The following GADL1 variants were observed in gnomAD, a reference collection of about 807,000 sequenced individuals.
The protein encoded by GADL1 is GAD like acidic amino acid decarboxylase 1, also known as acidic amino acid decarboxylase GADL1.
In GADL1, 71 loss-of-function variants were observed where a neutral mutation model predicts 69.5. The observed-to-expected ratio is 1.02, with a 90% confidence interval of 0.84 to 1.25. The LOEUF (loss-of-function observed/expected upper bound fraction) is 1.25, where lower values mean the gene tolerates loss of function less well. GADL1 is among the 50% of genes most tolerant of loss of function. The pLI is 0.00. For missense variants in GADL1, 737 were observed against 631.8 expected, an observed-to-expected ratio of 1.17 and a Z score of -1.79; for synonymous variants, 254 against 214.4, an observed-to-expected ratio of 1.18 and a Z score of -1.62.
At chr3:30,767,336 C>T (rs1300998174) in intron 14 of GADL1, among the ~76,000 whole-genome samples, 2 of 151,920 alleles carry the variant, frequency 1.3e-5, no homozygotes, top group African/African-American at 2.4e-5. Flanking sequence ...ACAAAAGATC[C>T]AGGAGGATAG....
chr3:30,858,456 A>G (rs1342524096), intron 2 of GADL1, among the ~76,000 whole-genome samples: 2 of 152,026 alleles, frequency 1.3e-5, no homozygotes, highest in Non-Finnish European at 2.9e-5. Context: ...GATGATCTGG[A>G]TGACAGTCAA....
chr3:30,816,957 A>G (rs1338506646), intron 11 of GADL1, among the ~76,000 whole-genome samples: 1 of 152,120 alleles, frequency 6.6e-6, no homozygotes, highest in African/African-American at 2.4e-5. Flanking sequence ...AATCACTTAT[A>G]TAGTCCCCAA....
intron 12 of GADL1, among the ~76,000 whole-genome samples, chr3:30,795,813 A>AC (rs1270254741): frequency 1.3e-5 from 2 of 152,120 alleles, no homozygotes; most frequent in African/African-American, 4.8e-5. Flanking sequence ...ACTTTTGCCC[A>AC]CCCCAGGAAT....
At chr3:30,769,266 C>T (rs763658657) in intron 14 of GADL1, among the ~76,000 whole-genome samples, 1 of 152,114 alleles carries the variant, frequency 6.6e-6, no homozygotes, top group Non-Finnish European at 1.5e-5. Flanking sequence ...GTCCATCCAG[C>T]GACTAGTGAA....
At chr3:30,752,947 G>A (rs6550019) in intron 14 of GADL1, among the ~76,000 whole-genome samples, 79,414 of 151,968 alleles carry the variant, frequency 0.52, 23,828 homozygotes, top group African/African-American at 0.83. Context: ...CACAATCCTC[G>A]TTTTTTAACT....
intron 1 of GADL1, among the ~76,000 whole-genome samples, chr3:30,885,897 G>A (rs192715069): frequency 1.1e-4 from 17 of 151,980 alleles, no homozygotes; most frequent in African/African-American, 3.4e-4. Flanking sequence ...ATGAGCCACC[G>A]TGCCCAGCCT....
At chr3:30,804,482 T>C (rs1188582030) in intron 11 of GADL1, among the ~76,000 whole-genome samples, 2 of 152,204 alleles carry the variant, frequency 1.3e-5, no homozygotes, top group African/African-American at 2.4e-5. Flanking sequence ...CATCACCCTA[T>C]TGTAGCAAGA....
In GADL1 at chr3:30,789,853, G is replaced by A. The variant is rs144324999; in HGVS notation, c.1251-3447C>T. ...TAGAACTGGAGAAAGTTAGGGTCTT[G>A]CTCTGAATTGGGCTTTGGCTTAAGG... On this transcript the variant is annotated intron_variant, in intron 12 of 14. Coordinates refer to ENST00000282538, the MANE Select transcript of GADL1 (RefSeq NM_207359.3). Among the ~76,000 whole-genome samples, 21 of 152,280 alleles carry A rather than the reference G, an allele frequency of 1.4e-4. No individual in the cohort carries two copies. In the East Asian group the frequency reaches 3.7e-3, roughly 27 times the overall value.
intron 14 of GADL1, among the ~76,000 whole-genome samples, chr3:30,744,067 A>G (rs1473455497): frequency 1.3e-5 from 2 of 152,136 alleles, no homozygotes; most frequent in African/African-American, 4.8e-5. Context: ...TTTGGCTGGG[A>G]AAGGTGGGTG....
rs1696583843 is a variant in GADL1, at chr3:30,778,239, G to A, written c.1332C>T (p.Tyr444=). The change falls in exon 14 of 15, where the codon TAC becomes TAT. Residue 444 remains tyrosine (Y), a synonymous_variant. Coordinates refer to ENST00000282538, the MANE Select transcript of GADL1 (RefSeq NM_207359.3). ...EPEYANICFW[Y]IPPSLREMEE... ...CCATCTCTCTGAGGCTCGGTGGAAT[G>A]TACCAAAAGCAAATATTGGCATATT... The A allele has an allele frequency of 6.2e-7, 1 of 1,611,616 alleles. No individual in the cohort carries two copies. The highest frequency in any genetic ancestry group is 1.3e-5 in the African/African-American group (1 of 74,816).
chr3:30,846,062 A>C (rs561563400), intron 6 of GADL1, among the ~76,000 whole-genome samples: 118 of 152,156 alleles, frequency 7.8e-4, no homozygotes, highest in East Asian at 7.7e-4. Context: ...ATCAAAAAAA[A>C]AAAAAACAAA....
At chr3:30,741,027 T>TATTATATATTATATAATATAAA (rs1553634678) in intron 14 of GADL1, among the ~76,000 whole-genome samples, 1 of 134,290 alleles carries the variant, frequency 7.4e-6, no homozygotes, top group African/African-American at 2.9e-5. Flanking sequence ...ATATAATATA[T>TATTATATATTATATAATATAAA]TATATAATAT....
intron 1 of GADL1, among the ~76,000 whole-genome samples, chr3:30,868,456 G>A (rs62233365): frequency 0.18 from 27,474 of 151,702 alleles, 2,660 homozygotes; most frequent in East Asian, 0.3. Context: ...TGAGCTTTAA[G>A]TCCTGGCCCA....
intron 1 of GADL1, among the ~76,000 whole-genome samples, 167 bp downstream of exon 1, chr3:30,894,411 A>G (rs1306968755): frequency 1.3e-5 from 2 of 152,252 alleles, no homozygotes; most frequent in African/African-American, 2.4e-5. Context: ...ATAACCTTTT[A>G]GGTACGGAAA....
At chr3:30,883,915 A>G (rs541311652) in intron 1 of GADL1, among the ~76,000 whole-genome samples, 1 of 152,192 alleles carries the variant, frequency 6.6e-6, no homozygotes, top group East Asian at 1.9e-4. Context: ...GTTTTTAAAT[A>G]AAAATTTTAA....
intron 1 of GADL1, among the ~76,000 whole-genome samples, chr3:30,867,595 T>G (rs926131748): frequency 6.6e-6 from 1 of 151,866 alleles, no homozygotes. Flanking sequence ...GAGGGTTTAA[T>G]TCAGTTGAAT....
chr3:30,748,753 G>T (rs1373834482), intron 14 of GADL1, among the ~76,000 whole-genome samples: 1 of 152,178 alleles, frequency 6.6e-6, no homozygotes, highest in Non-Finnish European at 1.5e-5. Flanking sequence ...ACTAGAGGTG[G>T]CAGCTAGAAT....
intron 11 of GADL1, among the ~76,000 whole-genome samples, chr3:30,822,030 T>C (rs1697588769): frequency 6.6e-6 from 1 of 152,114 alleles, no homozygotes; most frequent in Non-Finnish European, 1.5e-5. Context: ...GCAGGTTTTG[T>C]ACAATATTAG....
At chr3:30,826,365 G>T (rs1258101727) in intron 11 of GADL1, among the ~76,000 whole-genome samples, 4 of 151,878 alleles carry the variant, frequency 2.6e-5, no homozygotes, top group Admixed American at 1.3e-4. Context: ...GAGAAGCAAA[G>T]GTTGGCGTTC....
Sources: gnomAD v4.1 joint callset for allele counts (sites outside exome capture counted in the v4.1 genomes callset) on GRCh38, gnomAD v4.1.1 for gene constraint, MANE v1.5 for transcripts, NCBI Gene and HGNC (gene_info 2026-07-23, HGNC 2026-07-21) for gene names.